Variants in CHN1 observed in about 807,000 individuals in gnomAD.
The protein encoded by CHN1 is chimerin 1.
Under a neutral mutation model 59.5 loss-of-function variants are expected in CHN1, and 37 were observed. That is an observed-to-expected ratio of 0.62 (90% CI 0.48 to 0.82). The LOEUF is 0.82. Among genes scored for constraint, CHN1 ranks in the 40% least tolerant of loss-of-function variants. CHN1 has a pLI of 0.00. For synonymous variants in CHN1, 206 were observed against 200.4 expected (o/e 1.03, Z -0.24); for missense variants, 469 against 571.0 (o/e 0.82, Z 1.82).
intron 3 of CHN1, among the ~76,000 whole-genome samples, chr2:174,944,292 G>A (rs768472770): frequency 6.6e-6 from 1 of 152,150 alleles, no homozygotes; most frequent in Non-Finnish European, 1.5e-5. Flanking sequence ...TAAAGTTATA[G>A]TATGTCACAT....
intron 1 of CHN1, among the ~76,000 whole-genome samples, chr2:174,974,898 TACACACACAC>T (rs373940330): frequency 0.019 from 2,727 of 144,356 alleles, 43 homozygotes; most frequent in East Asian, 0.033. Context: ...AAATAATTAA[TACACACACAC>T]ACACACACAC....
chr2:174,804,264 G>A (rs1018677498), intron 11 of CHN1, among the ~76,000 whole-genome samples: 9 of 152,118 alleles, frequency 5.9e-5, no homozygotes, highest in Non-Finnish European at 1.2e-4. Flanking sequence ...CGCCTATAAT[G>A]TTTGAGGAAA....
intron 3 of CHN1, among the ~76,000 whole-genome samples, chr2:174,930,232 T>C (rs967341168): frequency 6.6e-6 from 1 of 152,158 alleles, no homozygotes; most frequent in Non-Finnish European, 1.5e-5. Flanking sequence ...GGTATGGATA[T>C]GTCAGGTGAG....
chr2:174,948,140 C>A (rs535607813), intron 2 of CHN1, among the ~76,000 whole-genome samples: 134 of 152,228 alleles, frequency 8.8e-4, no homozygotes, highest in African/African-American at 3.0e-3. Context: ...ATCTTGAAGT[C>A]AAAATTGGTC....
At chr2:175,003,797 A>G (rs1028001436) in intron 1 of CHN1, among the ~76,000 whole-genome samples, 2 of 152,198 alleles carry the variant, frequency 1.3e-5, no homozygotes, top group Admixed American at 6.5e-5. Flanking sequence ...TTTTGCCACA[A>G]AAGAGCCATG....
Position 175,005,203 on chromosome 2 carries a change from T to TACCTGCGAGGCAGGAGGC in CHN1, c.-309_-292dup. 8.2e-7 allele frequency: 1 copy of TACCTGCGAGGCAGGAGGC among 1,214,882 alleles called. No individual in the cohort carries two copies. The highest frequency in any genetic ancestry group is 1.6e-5 in the African/African-American group (1 of 61,964). The allele number at this position is 1,214,882 out of a possible 1,614,324, so 75.3% of individuals were successfully genotyped here. ...CGCGGAGCGTGCGCGCGGGAGGAGG[T>TACCTGCGAGGCAGGAGGC]ACCTGCGAGGCAGGAGGCTTGGCCG... On this transcript the variant is annotated 5_prime_UTR_variant, in exon 1 of 13. Coordinates refer to ENST00000409900, the MANE Select transcript of CHN1 (RefSeq NM_001822.7).
chr2:174,957,579 G>C (rs1027673513), intron 1 of CHN1, among the ~76,000 whole-genome samples: 1 of 151,946 alleles, frequency 6.6e-6, no homozygotes, highest in Non-Finnish European at 1.5e-5. Flanking sequence ...TTGATATTCT[G>C]CTGTTATTAT....
chr2:174,903,343 T>C (rs1249867405), intron 5 of CHN1, among the ~76,000 whole-genome samples: 7 of 152,240 alleles, frequency 4.6e-5, no homozygotes, highest in Admixed American at 2.0e-4. Flanking sequence ...AGGCAGACAA[T>C]AGGGCAAACC....
At chr2:174,915,984 T>G (rs947576933) in intron 4 of CHN1, among the ~76,000 whole-genome samples, 2 of 152,236 alleles carry the variant, frequency 1.3e-5, no homozygotes, top group African/African-American at 4.8e-5. Flanking sequence ...TATGCCACTT[T>G]GCTGTATCGA....
chr2:174,934,220 T>C (rs984492296), intron 3 of CHN1, among the ~76,000 whole-genome samples: 2 of 152,216 alleles, frequency 1.3e-5, no homozygotes, highest in Non-Finnish European at 2.9e-5. Context: ...GTGGGAGCCC[T>C]GAGCTTGTTT....
chr2:174,905,119 T>TA (rs535849980), intron 5 of CHN1, among the ~76,000 whole-genome samples: 2 of 152,024 alleles, frequency 1.3e-5, no homozygotes, highest in East Asian at 1.9e-4. Context: ...TTAAGTCCAT[T>TA]AAAAAAAATT....
chr2:174,993,088 C>T (rs1281485072), intron 1 of CHN1, among the ~76,000 whole-genome samples: 3 of 152,196 alleles, frequency 2.0e-5, no homozygotes, highest in Non-Finnish European at 4.4e-5. Flanking sequence ...CCACACCTGG[C>T]TCCAATCACT....
intron 3 of CHN1, among the ~76,000 whole-genome samples, chr2:174,937,614 C>G (rs959571973): frequency 6.6e-6 from 1 of 151,966 alleles, no homozygotes; most frequent in Non-Finnish European, 1.5e-5. Context: ...CCCTCCAAAT[C>G]TCATGTTGAA....
intron 3 of CHN1, among the ~76,000 whole-genome samples, chr2:174,929,741 T>G (rs1689279081): frequency 6.6e-6 from 1 of 152,230 alleles, no homozygotes; most frequent in African/African-American, 2.4e-5. Context: ...TTTCCTACCT[T>G]AGATTCAAGT....
intron 7 of CHN1, among the ~76,000 whole-genome samples, chr2:174,829,735 TG>T (rs1369580665): frequency 6.6e-6 from 1 of 152,198 alleles, no homozygotes. Context: ...ACATTTCAGC[TG>T]CAGCTTCTCA....
intron 8 of CHN1, among the ~76,000 whole-genome samples, chr2:174,819,520 C>CT (rs1422881291): frequency 6.6e-6 from 1 of 152,014 alleles, no homozygotes; most frequent in African/African-American, 2.4e-5. Context: ...GAATAATGGT[C>CT]TTTTTTTAAA....
intron 3 of CHN1, among the ~76,000 whole-genome samples, chr2:174,938,701 T>A (rs1689571654): frequency 6.6e-6 from 1 of 152,160 alleles, no homozygotes; most frequent in African/African-American, 2.4e-5. Flanking sequence ...GACTATAAGC[T>A]GTTAATAAGT....
chr2:174,846,822 ATAT>A (rs1686532809), intron 7 of CHN1, 55 bp downstream of exon 7: 2 of 1,393,796 alleles, frequency 1.4e-6, no homozygotes, highest in Admixed American at 2.4e-5. Flanking sequence ...TATTCCTTTA[ATAT>A]TATATATTTC....
chr2:174,852,722 C>T (rs1190184689), intron 6 of CHN1, among the ~76,000 whole-genome samples: 1 of 152,062 alleles, frequency 6.6e-6, no homozygotes, highest in Non-Finnish European at 1.5e-5. Flanking sequence ...GGTACTGGTA[C>T]AAAAACAGAC....
Sources: gnomAD v4.1 joint callset for allele counts (sites outside exome capture counted in the v4.1 genomes callset) on GRCh38, gnomAD v4.1.1 for gene constraint, MANE v1.5 for transcripts, NCBI Gene and HGNC (gene_info 2026-07-23, HGNC 2026-07-21) for gene names.